The following RIMS1 variants were observed in gnomAD, a reference collection of about 807,000 sequenced individuals.
RIMS1 encodes the protein regulating synaptic membrane exocytosis protein 1.
RIMS1 carries 83 observed loss-of-function variants against 214.1 expected under a neutral mutation model. That is an observed-to-expected ratio of 0.39 (90% CI 0.32 to 0.47). The LOEUF is 0.47. Ranked by LOEUF, RIMS1 falls within the 20% of genes least tolerant of loss-of-function variation. The pLI is 0.99. For synonymous variants in RIMS1, 793 were observed against 786.8 expected, an observed-to-expected ratio of 1.01 and a Z score of -0.13; for missense variants, 2,050 against 2,161.8, an observed-to-expected ratio of 0.95 and a Z score of 1.03.
chr6:72,013,311 T>G (rs1036840737), intron 2 of RIMS1, among the ~76,000 whole-genome samples: 1 of 152,206 alleles, frequency 6.6e-6, no homozygotes, highest in Admixed American at 6.5e-5. Context: ...TCATAATAAG[T>G]ACAGGATTTA....
At position 72,161,724 on chromosome 6, in the gene RIMS1, C is replaced by A; in HGVS notation, c.472-17851C>A. ...TGAGTGAGTTTCTTAAGCCTGAGTT[C>A]TAGTTTGATTGCACTGTGGTCTGAG... On this transcript the variant is annotated intron_variant, in intron 4 of 33. Transcript: ENST00000521978. Among the ~76,000 whole-genome samples, 2 of 140,650 alleles carry A rather than the reference C, an allele frequency of 1.4e-5. 1 individual carries two copies. The highest frequency in any genetic ancestry group is 3.2e-5 in the Non-Finnish European group (2 of 61,998). 92.3% of individuals were successfully genotyped at this position (140,650 alleles called of 152,430 possible).
rs778172772 is a variant in RIMS1 at position 72,250,478 on chromosome 6, A to G, written c.2372+18A>G. On this transcript the variant is annotated intron_variant, in intron 13 of 33. Transcript: ENST00000521978. ...GATAGAAGGTAGTGAATAATTTTAG[A>G]AAAAAAAAATCTTAAAATCTGTACT... 1.7e-5 allele frequency: 24 copies of G among 1,425,462 alleles called. No individual in the cohort carries two copies. In the East Asian group the frequency reaches 5.1e-4, roughly 30 times the overall value. 88.3% of individuals were successfully genotyped at this position (1,425,462 alleles called of 1,614,324 possible). A position where few individuals can be genotyped will look rare whatever the true frequency, so the allele number is the denominator to read the frequency against.
Position 72,183,124 on chromosome 6 carries a change from G to T in RIMS1, c.1653G>T (p.Leu551=). 1 of 1,592,152 alleles carries T rather than the reference G, an allele frequency of 6.3e-7. No individual in the cohort carries two copies. The highest frequency in any genetic ancestry group is 1.1e-5 in the South Asian group (1 of 87,498). The change falls in exon 6 of 34, where the codon CTG becomes CTT. Residue 551 remains leucine (L), a synonymous_variant. Coordinates refer to ENST00000521978, the MANE Select transcript of RIMS1 (RefSeq NM_014989.7). ...PEYTSCEDVE[L]ESESVSEKGD... is the part of the protein sequence containing the mutation. ...ACACCAGCTGCGAGGACGTGGAGCTGGAGAGCGAGAGCGTCAGCGAGAAAG... is the reference window on the plus strand; with the variant it reads ...ACACCAGCTGCGAGGACGTGGAGCTTGAGAGCGAGAGCGTCAGCGAGAAAG...
At chr6:72,302,587 A>G (rs887988791) in intron 26 of RIMS1, among the ~76,000 whole-genome samples, 4 of 151,478 alleles carry the variant, frequency 2.6e-5, no homozygotes, top group African/African-American at 9.7e-5. Flanking sequence ...ATAAGCGGTC[A>G]TTTATCACTG....
chr6:71,907,877 C>T (rs1277301431), intron 1 of RIMS1, among the ~76,000 whole-genome samples: 1 of 152,058 alleles, frequency 6.6e-6, no homozygotes, highest in Non-Finnish European at 1.5e-5. Context: ...AAGATAAAAT[C>T]CTACCAGAAT....
intron 2 of RIMS1, among the ~76,000 whole-genome samples, chr6:72,012,885 G>C (rs2151877509): frequency 6.6e-6 from 1 of 152,284 alleles, no homozygotes; most frequent in South Asian, 2.1e-4. Flanking sequence ...TAAATTGTAT[G>C]TTGAGACCAT....
chr6:72,249,030 GGTAT>G (rs1318728866), intron 12 of RIMS1, among the ~76,000 whole-genome samples: 2 of 152,088 alleles, frequency 1.3e-5, no homozygotes, highest in Non-Finnish European at 2.9e-5. Flanking sequence ...CCCCATCTTA[GGTAT>G]CAATTGGGAA....
At chr6:72,002,334 A>G (rs761524347) in intron 2 of RIMS1, among the ~76,000 whole-genome samples, 2 of 152,288 alleles carry the variant, frequency 1.3e-5, no homozygotes, top group South Asian at 2.1e-4. Flanking sequence ...AAGTTCTAAA[A>G]TGTATAGAAT....
intron 4 of RIMS1, among the ~76,000 whole-genome samples, chr6:72,160,051 C>A (rs571826096): frequency 7.8e-6 from 1 of 127,496 alleles, no homozygotes; most frequent in East Asian, 2.2e-4. Flanking sequence ...TTGTTTGTAT[C>A]CTCTTTTATT....
chr6:72,059,260 T>C (rs542481413), intron 2 of RIMS1, among the ~76,000 whole-genome samples: 2 of 152,364 alleles, frequency 1.3e-5, no homozygotes, highest in South Asian at 2.1e-4. Context: ...AGGCTCTCGC[T>C]CTGTTGCCCA....
chr6:71,894,255 G>A (rs1770915810), intron 1 of RIMS1, among the ~76,000 whole-genome samples: 1 of 152,118 alleles, frequency 6.6e-6, no homozygotes. Flanking sequence ...GACCAGCCTG[G>A]CCAACATGGT....
intron 4 of RIMS1, among the ~76,000 whole-genome samples, chr6:72,155,399 C>T (rs746336576): frequency 1.4e-5 from 2 of 140,774 alleles, no homozygotes; most frequent in African/African-American, 2.5e-5. Context: ...CTGTTCCAAA[C>T]TCTTCCTGTT....
intron 2 of RIMS1, among the ~76,000 whole-genome samples, chr6:72,015,931 A>G (rs1314914914): frequency 6.6e-6 from 1 of 152,172 alleles, no homozygotes; most frequent in Admixed American, 6.5e-5. Context: ...GTCTCAAAAA[A>G]GAAAAAAGTA....
chr6:72,268,204 A>G (rs1281966708), intron 22 of RIMS1, among the ~76,000 whole-genome samples: 1 of 152,150 alleles, frequency 6.6e-6, no homozygotes, highest in Non-Finnish European at 1.5e-5. Flanking sequence ...GAAGATAACA[A>G]TATCAAGAGT....
intron 6 of RIMS1, among the ~76,000 whole-genome samples, chr6:72,195,910 G>C (rs1372668207): frequency 6.6e-6 from 1 of 152,102 alleles, no homozygotes; most frequent in East Asian, 1.9e-4. Context: ...AGGTGAGAGA[G>C]AGCGAGAGTA....
At chr6:72,244,466 A>T (rs1487517646) in intron 10 of RIMS1, among the ~76,000 whole-genome samples, 1 of 151,846 alleles carries the variant, frequency 6.6e-6, no homozygotes, top group East Asian at 1.9e-4. Flanking sequence ...TGGCTTTAGA[A>T]CTTCAAATTC....
chr6:71,896,665 A>G (rs1444745579), intron 1 of RIMS1, among the ~76,000 whole-genome samples: 1 of 152,220 alleles, frequency 6.6e-6, no homozygotes, highest in African/African-American at 2.4e-5. Flanking sequence ...TAAATACTCA[A>G]GAACACAAAA....
intron 1 of RIMS1, among the ~76,000 whole-genome samples, chr6:71,936,023 G>A (rs1333520343): frequency 1.3e-5 from 2 of 152,086 alleles, no homozygotes; most frequent in Non-Finnish European, 2.9e-5. Flanking sequence ...CTGTCCTTTG[G>A]GCGCTGATAG....
chr6:72,127,574 A>T (rs1330063614), intron 4 of RIMS1, among the ~76,000 whole-genome samples: 1 of 152,202 alleles, frequency 6.6e-6, no homozygotes, highest in African/African-American at 2.4e-5. Context: ...TCAAAGCATT[A>T]TAAAGGCCCC....
Sources: gnomAD v4.1 joint callset for allele counts (sites outside exome capture counted in the v4.1 genomes callset) on GRCh38, gnomAD v4.1.1 for gene constraint, MANE v1.5 for transcripts, NCBI Gene and HGNC (gene_info 2026-07-23, HGNC 2026-07-21) for gene names.